ANK3: variants seen among roughly 807,000 people sequenced by gnomAD.
ANK3 encodes ankyrin-3.
In ANK3, 57 loss-of-function variants were observed where a neutral mutation model predicts 370.9. The observed-to-expected ratio is 0.15, with a 90% CI of 0.12 to 0.19. The LOEUF is 0.19. Ranked by LOEUF, ANK3 falls within the 10% of genes least tolerant of loss-of-function variation. The probability of loss-of-function intolerance (pLI) is 1.00; values close to 1 mark genes in which losing one functional copy is unlikely to be tolerated. For synonymous variants in ANK3, 1,929 were observed against 1,946.3 expected, an observed-to-expected ratio of 0.99 and a Z score of 0.23; for missense variants, 4,439 against 5,302.1, an observed-to-expected ratio of 0.84 and a Z score of 5.06.
Position 60,308,421 on chromosome 10 carries a change from G to A in ANK3, c.115-28782C>T, listed in dbSNP as rs191065432. Among the ~76,000 whole-genome samples the A allele has an allele frequency of 2.1e-4, 31 of 151,066 alleles. No homozygotes were observed. In the East Asian group the frequency reaches 5.1e-3, roughly 25 times the overall value. On this transcript the variant is annotated intron_variant, in intron 1 of 43. Coordinates refer to ENST00000280772, the MANE Select transcript of ANK3 (RefSeq NM_020987.5). Reference sequence around the variant, plus strand: ...CTCCCGAGTAGCTGGGACTACAGGCGTGCACCAGCACGCCTGGCTAATTTT... The same window carrying A: ...CTCCCGAGTAGCTGGGACTACAGGCATGCACCAGCACGCCTGGCTAATTTT...
intron 25 of ANK3, among the ~76,000 whole-genome samples, chr10:60,125,656 G>A (rs2093719247): frequency 6.6e-6 from 1 of 152,184 alleles, no homozygotes; most frequent in African/African-American, 2.4e-5. Flanking sequence ...GAAATAGCAA[G>A]GTTAATCTGC....
intron 1 of ANK3, among the ~76,000 whole-genome samples, chr10:60,329,630 G>T (rs2050725128): frequency 6.6e-6 from 1 of 151,926 alleles, no homozygotes; most frequent in Non-Finnish European, 1.5e-5. Context: ...AAGGAAATAA[G>T]ACAGGATACA....
intron 1 of ANK3, among the ~76,000 whole-genome samples, chr10:60,669,376 C>T (rs1342372788): frequency 6.6e-6 from 1 of 152,206 alleles, no homozygotes; most frequent in Non-Finnish European, 1.5e-5. Context: ...TGATTATCTA[C>T]TGGTGATTTT....
chr10:60,633,410 G>T (rs1156244161), intron 1 of ANK3, among the ~76,000 whole-genome samples: 3 of 151,954 alleles, frequency 2.0e-5, no homozygotes, highest in Non-Finnish European at 2.9e-5. Context: ...ATAGACTGCT[G>T]GAGTTTTTTT....
intron 8 of ANK3, among the ~76,000 whole-genome samples, chr10:60,221,152 T>A (rs570301303): frequency 6.6e-6 from 1 of 151,686 alleles, no homozygotes; most frequent in South Asian, 2.1e-4. Flanking sequence ...TGATCTCAGC[T>A]CACTGCAACC....
At chr10:60,180,096 G>A (rs879420076) in intron 18 of ANK3, among the ~76,000 whole-genome samples, 2 of 152,106 alleles carry the variant, frequency 1.3e-5, no homozygotes, top group African/African-American at 2.4e-5. Flanking sequence ...CCCGATGAAA[G>A]TATTCAAGCA....
intron 1 of ANK3, among the ~76,000 whole-genome samples, chr10:60,348,505 T>G (rs577425173): frequency 3.2e-4 from 48 of 152,238 alleles, no homozygotes; most frequent in Middle Eastern, 6.8e-3. Flanking sequence ...GAACTTCAGC[T>G]CTGAAACAAA....
At chr10:60,267,425 C>T (rs1319659139) in intron 5 of ANK3, among the ~76,000 whole-genome samples, 1 of 152,158 alleles carries the variant, frequency 6.6e-6, no homozygotes, top group Non-Finnish European at 1.5e-5. Flanking sequence ...ACAGCAACCT[C>T]CCTGAAGACA....
intron 2 of ANK3, among the ~76,000 whole-genome samples, chr10:60,539,117 A>G (rs2076788563): frequency 6.6e-6 from 1 of 151,946 alleles, no homozygotes; most frequent in African/African-American, 2.4e-5. Context: ...AGGGAAGCAT[A>G]AAACAGGATA....
chr10:60,708,388 G>T (rs2133426318), intron 1 of ANK3, among the ~76,000 whole-genome samples: 1 of 152,276 alleles, frequency 6.6e-6, no homozygotes, highest in Non-Finnish European at 1.5e-5. Flanking sequence ...TCCATGAGAA[G>T]AAATGGTCAA....
rs1373182707 is a variant in ANK3, at chr10:60,134,264, T to C, written c.2841+7A>G. The stretch of plus-strand genomic sequence containing the variant: ...TGGTCAAAGGCTATTTTGAAAAGAA[T>C]GCATACCTGCTCTTTGGATGGCACA... On this transcript the variant is annotated splice_region_variant and intron_variant, in intron 25 of 43. Transcript: ENST00000280772. The C allele has an allele frequency of 6.2e-7, 1 of 1,609,782 alleles. No individual in the cohort carries two copies. Among genetic ancestry groups the C allele is most frequent in the East Asian group, 2.2e-5 (1 of 44,804 alleles).
At chr10:60,421,229 A>G (rs1161384019) in intron 2 of ANK3, among the ~76,000 whole-genome samples, 1 of 152,096 alleles carries the variant, frequency 6.6e-6, no homozygotes, top group Non-Finnish European at 1.5e-5. Context: ...TGGGGTGATA[A>G]AAGAATTTTG....
chr10:60,363,507 A>G (rs2058948011), intron 1 of ANK3, among the ~76,000 whole-genome samples: 1 of 152,224 alleles, frequency 6.6e-6, no homozygotes, highest in Admixed American at 6.5e-5. Context: ...GATTCCATAG[A>G]ATTGAGAATG....
chr10:60,339,595 G>A (rs1177327355), intron 1 of ANK3, among the ~76,000 whole-genome samples: 1 of 152,132 alleles, frequency 6.6e-6, no homozygotes, highest in Non-Finnish European at 1.5e-5. Flanking sequence ...TTTCAGTAAG[G>A]AGCAGAATAT....
chr10:60,194,724 G>A (rs1201548285), intron 16 of ANK3, among the ~76,000 whole-genome samples: 1 of 152,136 alleles, frequency 6.6e-6, no homozygotes, highest in Non-Finnish European at 1.5e-5. Flanking sequence ...TTAAATTAAA[G>A]TTTTATCAAG....
chr10:60,344,900 A>G (rs899983664), intron 1 of ANK3, among the ~76,000 whole-genome samples: 7 of 152,226 alleles, frequency 4.6e-5, no homozygotes, highest in Non-Finnish European at 8.8e-5. Flanking sequence ...TTGCGTGTGA[A>G]CACACAGAAT....
chr10:60,086,712 G>A lies in ANK3; in HGVS notation c.3713C>T (p.Thr1238Ile). 1 of 1,614,024 alleles carries A rather than the reference G, an allele frequency of 6.2e-7. No homozygotes were observed. ...ACAGAGAAGACGCAGATTGGGTGTA[G>A]TGTCCCCTTTGTATCCATTGGATAC... ...EGVSNGYKGD[T>I]TPNLRLLCSI... Residue 1238 changes from threonine to isoleucine, a missense_variant, in exon 30 of 44, where the codon ACT becomes ATT. Around this residue, in one of 13 missense-constraint regions of ANK3, gnomAD observed 702 missense variants for 941.5 expected, o/e 0.75. Coordinates refer to ENST00000280772, the MANE Select transcript of ANK3 (RefSeq NM_020987.5).
chr10:60,725,114 T>C (rs1457844988), intron 1 of ANK3, among the ~76,000 whole-genome samples: 3 of 152,246 alleles, frequency 2.0e-5, no homozygotes, highest in African/African-American at 7.2e-5. Flanking sequence ...TGCACTGTGC[T>C]GGGCTAATGA....
intron 1 of ANK3, among the ~76,000 whole-genome samples, chr10:60,669,459 G>T (rs1208307081): frequency 6.6e-6 from 1 of 152,082 alleles, no homozygotes; most frequent in Non-Finnish European, 1.5e-5. Flanking sequence ...GGTACCGCTG[G>T]GTCCCTAATC....
Sources: gnomAD v4.1 joint callset for allele counts (sites outside exome capture counted in the v4.1 genomes callset) on GRCh38, gnomAD v4.1.1 for gene constraint, gnomAD v4.1.1 regional missense constraint, MANE v1.5 for transcripts, NCBI Gene and HGNC (gene_info 2026-07-23, HGNC 2026-07-21) for gene names.